The following CLMP variants were observed in gnomAD, a reference collection of about 807,000 sequenced individuals.
CLMP encodes CXADR like cell adhesion molecule, also known as CXADR-like membrane protein.
A neutral mutation model predicts 45.2 loss-of-function variants in CLMP; 27 were observed. The observed-to-expected ratio is 0.60, with a 90% CI of 0.44 to 0.82. The LOEUF (loss-of-function observed/expected upper bound fraction) is 0.82, where lower values mean the gene tolerates loss of function less well. CLMP is among the 40% of genes least tolerant of loss of function. The probability of loss-of-function intolerance (pLI) is 0.00; values close to 1 mark genes in which losing one functional copy is unlikely to be tolerated. For missense variants in CLMP, 403 were observed against 448.4 expected, an observed-to-expected ratio of 0.90 and a Z score of 0.91; for synonymous variants, 167 against 171.4, an observed-to-expected ratio of 0.97 and a Z score of 0.20.
intron 1 of CLMP, among the ~76,000 whole-genome samples, chr11:123,134,071 C>T (rs910407106): frequency 6.6e-6 from 1 of 151,972 alleles, no homozygotes; most frequent in Non-Finnish European, 1.5e-5. Flanking sequence ...ACCAGTCTGG[C>T]CAACACGGTG....
At chr11:123,190,987 ATAGATTTAGAT>A (rs1216865329) in intron 1 of CLMP, among the ~76,000 whole-genome samples, 2 of 152,236 alleles carry the variant, frequency 1.3e-5, no homozygotes, top group Middle Eastern at 3.2e-3. Flanking sequence ...AAAAGAAGGC[ATAGATTTAGAT>A]GAAAGATTAA....
At chr11:123,192,881 G>A (rs1861927384) in intron 1 of CLMP, 2 of 152,262 alleles carry the variant, frequency 1.3e-5, no homozygotes, top group Admixed American at 1.3e-4. Context: ...ATGATTTCAG[G>A]ATTCAGACAA....
At chr11:123,146,662 C>T (rs1327019869) in intron 1 of CLMP, among the ~76,000 whole-genome samples, 8 of 152,078 alleles carry the variant, frequency 5.3e-5, no homozygotes, top group African/African-American at 1.4e-4. Context: ...TTTCCATGGG[C>T]GTGTGTTGTG....
At chr11:123,092,176 G>A (rs1393478660) in intron 2 of CLMP, among the ~76,000 whole-genome samples, 1 of 152,002 alleles carries the variant, frequency 6.6e-6, no homozygotes, top group Non-Finnish European at 1.5e-5. Flanking sequence ...TTCAACCTGT[G>A]GTGTTTGGGG....
At chr11:123,194,803 G>A in intron 1 of CLMP, 110 bp downstream of exon 1, 3 of 1,384,568 alleles carry the variant, frequency 2.2e-6, no homozygotes, top group Non-Finnish European at 3.0e-6. Context: ...TGAAAAGCCG[G>A]CTGACTCCAG....
chr11:123,160,994 A>G (rs1045551476), intron 1 of CLMP, among the ~76,000 whole-genome samples: 3 of 151,286 alleles, frequency 2.0e-5, no homozygotes, highest in Non-Finnish European at 2.9e-5. Flanking sequence ...AAAAAAAAAA[A>G]GGTGACAAGA....
intron 1 of CLMP, among the ~76,000 whole-genome samples, chr11:123,173,051 T>C (rs1290019126): frequency 6.6e-6 from 1 of 152,262 alleles, no homozygotes; most frequent in Non-Finnish European, 1.5e-5. Flanking sequence ...CTTGCACCCT[T>C]AGATACAAAC....
intron 1 of CLMP, among the ~76,000 whole-genome samples, chr11:123,165,114 T>C (rs963235700): frequency 6.6e-6 from 1 of 152,170 alleles, no homozygotes; most frequent in Non-Finnish European, 1.5e-5. Context: ...CAGAGACAAC[T>C]TTTCCAGTTT....
Position 123,090,916 on chromosome 11 carries a change from C to T in CLMP, c.187-6203G>A, listed in dbSNP as rs532980010. ...TGCTTATATAGGTTGTGGTTATGTG[C>T]CTATGTGCAGTATAGCATTTGCCTA... On this transcript the variant is annotated intron_variant, in intron 2 of 6. Coordinates refer to ENST00000448775, the MANE Select transcript of CLMP (RefSeq NM_024769.5). Among the ~76,000 whole-genome samples, 106 of 152,200 alleles carry T rather than the reference C, an allele frequency of 7.0e-4. 1 individual carries two copies. Among genetic ancestry groups the T allele is most frequent in the African/African-American group, 2.5e-3 (102 of 41,538 alleles).
chr11:123,133,318 G>C (rs931799101), intron 1 of CLMP, among the ~76,000 whole-genome samples: 2 of 152,040 alleles, frequency 1.3e-5, no homozygotes, highest in African/African-American at 2.4e-5. Context: ...GCTCTGTCTA[G>C]GTCTGCTTAC....
Position 123,125,563 on chromosome 11 carries a change from TCCTC to T in CLMP, c.29-27615_29-27612del, listed in dbSNP as rs1230906897. On this transcript the variant is annotated intron_variant, in intron 1 of 6. Transcript: ENST00000448775. Reference sequence around the variant, plus strand: ...CTTCCCTCCCCTCCCCTCCCTCCCTTCCTCCCTCCCTCCCTCCCTCCTTTCTTTC... The same window carrying T: ...CTTCCCTCCCCTCCCCTCCCTCCCTTCCTCCCTCCCTCCCTCCTTTCTTTC... 6.7e-3 allele frequency among the ~76,000 whole-genome samples: 610 copies of T among 90,494 alleles called. 2 individuals are homozygous for T. The highest frequency in any genetic ancestry group is 0.01 in the East Asian group (21 of 2,058). 59.4% of individuals were successfully genotyped at this position (90,494 alleles called of 152,430 possible). A position where few individuals can be genotyped will look rare whatever the true frequency, so the allele number is the denominator to read the frequency against.
intron 1 of CLMP, among the ~76,000 whole-genome samples, chr11:123,122,154 A>C (rs1860828248): frequency 6.6e-6 from 1 of 152,098 alleles, no homozygotes; most frequent in Non-Finnish European, 1.5e-5. Context: ...TGTCTTCTAG[A>C]CTATAGACAT....
intron 2 of CLMP, among the ~76,000 whole-genome samples, chr11:123,090,338 C>G (rs890836226): frequency 6.6e-6 from 1 of 151,368 alleles, no homozygotes; most frequent in Non-Finnish European, 1.5e-5. Flanking sequence ...CCTGTACTCC[C>G]AGGTACTCAG....
intron 1 of CLMP, among the ~76,000 whole-genome samples, chr11:123,150,476 A>G (rs58884255): frequency 0.01 from 627 of 60,236 alleles, 4 homozygotes; most frequent in Non-Finnish European, 0.014. Context: ...AGAAAGAAAG[A>G]AAGAAAGGAA....
At chr11:123,185,785 G>A (rs757204143) in intron 1 of CLMP, among the ~76,000 whole-genome samples, 7 of 152,298 alleles carry the variant, frequency 4.6e-5, no homozygotes, top group Middle Eastern at 3.4e-3. Context: ...AGAAAAAATC[G>A]CACTTTGCTG....
At position 123,084,704 on chromosome 11, in the gene CLMP, A is replaced by C; in HGVS notation, c.196T>G (p.Tyr66Asp). 6.2e-7 allele frequency: 1 copy of C among 1,614,140 alleles called. No homozygotes were observed. Among genetic ancestry groups the C allele is most frequent in the Non-Finnish European group, 8.5e-7 (1 of 1,179,992 alleles). The change falls in exon 3 of 7, where the codon TAC (tyrosine) becomes GAC (aspartate). Residue 66 changes from tyrosine to aspartate, a missense_variant. By Grantham distance (160) the Tyr-to-Asp change is radical. Coordinates refer to ENST00000448775, the MANE Select transcript of CLMP (RefSeq NM_024769.5). ...TTATTGTAGACATGACGACTGGAGTAAGTGATCACCTGTGGGATAGACCGA... is the reference window on the plus strand; with the variant it reads ...TTATTGTAGACATGACGACTGGAGTCAGTGATCACCTGTGGGATAGACCGA... The part of the protein sequence containing the change: ...NEGNQKVVIT[Y>D]SSRHVYNNLT...
At position 123,150,517 on chromosome 11, in the gene CLMP, AAGGAAGGAAGGAAAGAAAC is replaced by A. The variant is rs879312094; in HGVS notation, c.28+44377_28+44395del. Among the ~76,000 whole-genome samples the A allele has an allele frequency of 4.6e-3, 585 of 128,214 alleles. 8 individuals are homozygous for A. Among genetic ancestry groups the A allele is most frequent in the Middle Eastern group, 8.3e-3 (2 of 240 alleles). 84.1% of individuals were successfully genotyped at this position (128,214 alleles called of 152,430 possible). On this transcript the variant is annotated intron_variant, in intron 1 of 6. Coordinates refer to ENST00000448775, the MANE Select transcript of CLMP (RefSeq NM_024769.5). Reference sequence around the variant, plus strand: ...GAAGGAAGGAAGGAAGGAAGGAAGGAAGGAAGGAAGGAAAGAAACAAGCAAGGAAGGAAGGAAGGAAGGA... The same window carrying A: ...GAAGGAAGGAAGGAAGGAAGGAAGGAAAGCAAGGAAGGAAGGAAGGAAGGA...
chr11:123,075,264 A>C (rs558608729), intron 5 of CLMP, among the ~76,000 whole-genome samples: 4 of 150,378 alleles, frequency 2.7e-5, no homozygotes, highest in Non-Finnish European at 5.9e-5. Context: ...CCAGGTCTTT[A>C]TATCTATCTT....
At chr11:123,156,990 T>C (rs1416272384) in intron 1 of CLMP, among the ~76,000 whole-genome samples, 1 of 152,186 alleles carries the variant, frequency 6.6e-6, no homozygotes, top group African/African-American at 2.4e-5. Context: ...ACAGAAACAC[T>C]GAGGGATACA....
Sources: allele counts gnomAD v4.1 joint callset (sites outside exome capture counted in the v4.1 genomes callset), GRCh38; gene constraint gnomAD v4.1.1; transcripts MANE v1.5; gene names NCBI Gene and HGNC (gene_info 2026-07-23, HGNC 2026-07-21).